Variants in CCL4L2 observed in about 807,000 individuals in gnomAD.
CCL4L2 encodes the protein C-C motif chemokine 4-like.
In CCL4L2, 3 loss-of-function variants were observed where a neutral mutation model predicts 5.9. The ratio of observed to expected loss-of-function variants is 0.51; its 90% CI spans 0.23 to 1.32. CCL4L2 has a LOEUF of 1.32. Among genes scored for constraint, CCL4L2 ranks in the 40% most tolerant of loss-of-function variants. The pLI, the probability that CCL4L2 is intolerant of heterozygous loss-of-function variation, is 0.18. For missense variants in CCL4L2, 74 were observed against 121.2 expected, an observed-to-expected ratio of 0.61 and a Z score of 1.83; for synonymous variants, 36 against 47.6, an observed-to-expected ratio of 0.76 and a Z score of 1.00.
rs749135843 is a variant in CCL4L2, at chr17:36,212,149, C to T, written c.192-154C>T. The T allele has an allele frequency of 5.7e-5, 40 of 696,768 alleles. 4 individuals are homozygous for T. The highest frequency in any genetic ancestry group is 5.1e-4 in the South Asian group (33 of 64,958). 43.2% of individuals were successfully genotyped at this position (696,768 alleles called of 1,614,324 possible). On this transcript the variant is annotated intron_variant, in intron 2 of 2. Coordinates refer to ENST00000617405, the MANE Select transcript of CCL4L2 (RefSeq NM_001291475.2). ...GAAGCAGGGGAAGGCAGACAGGTCC[C>T]GTGAGATATGGACCAATTCCTTAAA...
rs1157297598 is a variant in CCL4L2 at position 36,211,549 on chromosome 17, T to C, written c.77-227T>C. The C allele has an allele frequency of 2.6e-5, 18 of 683,696 alleles. 1 individual carries two copies. Among genetic ancestry groups the C allele is most frequent in the Non-Finnish European group, 4.9e-5 (18 of 369,856 alleles). The allele number at this position is 683,696 out of a possible 1,614,324, so 42.4% of individuals were successfully genotyped here. On this transcript the variant is annotated intron_variant, in intron 1 of 2. Coordinates refer to ENST00000617405, the MANE Select transcript of CCL4L2 (RefSeq NM_001291475.2). ...GTCATATGAAGGGAGTGCGATGTGT[T>C]CTGAGACTGAATCCAGTTCCAATCT...
chr17:36,212,558 G>C lies in CCL4L2; in HGVS notation c.*135G>C. ...GGTCCAGGAGTACGTGTATGACCTGGAACTGAACTGAGCTGCTCAGAGACA... is the reference window on the plus strand; with the variant it reads ...GGTCCAGGAGTACGTGTATGACCTGCAACTGAACTGAGCTGCTCAGAGACA... On this transcript the variant is annotated 3_prime_UTR_variant, in exon 3 of 3. Transcript: ENST00000617405. The C allele has an allele frequency of 6.3e-7, 1 of 1,581,506 alleles. No homozygotes were observed.
chr17:36,211,308 A>G (rs1474530702), intron 1 of CCL4L2, 91 bp downstream of exon 1: 1 of 1,446,346 alleles, frequency 6.9e-7, no homozygotes, highest in African/African-American at 1.3e-5. Flanking sequence ...GGATCTGGGG[A>G]TGGGACAAAA....
rs2068768289 is a variant in CCL4L2 at position 36,211,185 on chromosome 17, C to T, written c.44C>T (p.Ala15Val). 6.3e-7 allele frequency: 1 copy of T among 1,581,654 alleles called. No homozygotes were observed. ...GTCCTGTCTCTCCTCGTGCTAGTAG[C>T]TGCCTTCTGCTCTCTAGCACTCTCA... Residue 15 changes from alanine (A) to valine (V), a missense_variant, in exon 1 of 3, where the codon GCT becomes GTT. Coordinates refer to ENST00000617405, the MANE Select transcript of CCL4L2 (RefSeq NM_001291475.2).
chr17:36,211,241 A>G lies in CCL4L2; in HGVS notation c.76+24A>G, dbSNP rs2068770223. 1.9e-5 allele frequency: 30 copies of G among 1,579,588 alleles called. 2 individuals are homozygous for G. The highest frequency in any genetic ancestry group is 2.4e-5 in the Non-Finnish European group (28 of 1,155,012). On this transcript the variant is annotated intron_variant, in intron 1 of 2. Coordinates refer to ENST00000617405, the MANE Select transcript of CCL4L2 (RefSeq NM_001291475.2). ...AAGTAAGTCTACTTTTGCAGCTGCT[A>G]TTTCGAGTCAAGGTGTAGGCAGAGT...
Position 36,212,793 on chromosome 17 carries a change from C to G in CCL4L2, c.*370C>G, listed in dbSNP as rs1330277144. 7 of 611,744 alleles carry G rather than the reference C, an allele frequency of 1.1e-5. No homozygotes were observed. Among genetic ancestry groups the G allele is most frequent in the East Asian group, 5.4e-5 (2 of 36,912 alleles). The allele number at this position is 611,744 out of a possible 1,614,324, so 37.9% of individuals were successfully genotyped here. On this transcript the variant is annotated 3_prime_UTR_variant, in exon 3 of 3. Transcript: ENST00000617405. ...CCTATGGGGATGGTCCACTCTCACT[C>G]TTTCTCTGCTGTTGCAAATACATGG...
chr17:36,211,813 C>T lies in CCL4L2; in HGVS notation c.114C>T (p.Tyr38=), dbSNP rs1204458321. 6.3e-6 allele frequency: 10 copies of T among 1,579,340 alleles called. 1 individual carries two copies. Among genetic ancestry groups the T allele is most frequent in the South Asian group, 5.6e-5 (5 of 89,030 alleles). The stretch of plus-strand genomic sequence containing the variant: ...CTCCCACCGCCTGCTGCTTTTCTTA[C>T]ACCGCGAGGAAGCTTCCTCGCAACT... Residue 38 remains tyrosine (Y), a synonymous_variant, in exon 2 of 3, where the codon TAC becomes TAT. Coordinates refer to ENST00000617405, the MANE Select transcript of CCL4L2 (RefSeq NM_001291475.2).
chr17:36,212,314 T>A lies in CCL4L2; in HGVS notation c.203T>A (p.Leu68Ter), dbSNP rs1370085607. 3.2e-6 allele frequency: 3 copies of A among 935,114 alleles called. No individual in the cohort carries two copies. The East Asian group carries it at 7.2e-5, about 23-fold the overall frequency. The allele number at this position is 935,114 out of a possible 1,614,324, so 57.9% of individuals were successfully genotyped here. A position where few individuals can be genotyped will look rare whatever the true frequency, so the allele number is the denominator to read the frequency against. The stretch of plus-strand genomic sequence containing the variant: ...ACAGCTAAATCCAGTGAGTGGAAGT[T>A]ACAGGGAGTCTGCTTCCAGTGCTGC... The change falls in exon 3 of 3, where the codon TTA becomes TAA. Residue 68 changes from leucine (L) to a stop codon, truncating the protein, a stop_gained. Transcript: ENST00000617405. LOFTEE classifies it low-confidence loss of function (END_TRUNC).
Position 36,211,966 on chromosome 17 carries a change from G to A in CCL4L2, c.191+76G>A, listed in dbSNP as rs1483498161. 4.8e-6 allele frequency: 7 copies of A among 1,470,878 alleles called. No individual in the cohort carries two copies. In the African/African-American group the frequency reaches 6.7e-5, roughly 14 times the overall value. 91.1% of individuals were successfully genotyped at this position (1,470,878 alleles called of 1,614,324 possible). A position where few individuals can be genotyped will look rare whatever the true frequency, so the allele number is the denominator to read the frequency against. ...TTTAAAGGGGGCCTGTTTTGGGGAG[G>A]GGGTGATGAGCGTTGGGGAGGCAGC... On this transcript the variant is annotated intron_variant, in intron 2 of 2. Coordinates refer to ENST00000617405, the MANE Select transcript of CCL4L2 (RefSeq NM_001291475.2).
At chr17:36,211,630 G>A (rs1280208058) in intron 1 of CCL4L2, 146 bp from the exon 2 acceptor site, 43 of 925,218 alleles carry the variant, frequency 4.6e-5, no homozygotes, top group Admixed American at 1.6e-4. Context: ...TAAGACTCCT[G>A]CTCATGTTAG....
rs1303311466 is a variant in CCL4L2, at chr17:36,211,170, T to C, written c.29T>C (p.Leu10Pro). The C allele has an allele frequency of 1.5e-5, 23 of 1,581,652 alleles. 1 individual carries two copies. The Admixed American group carries it at 3.6e-4, about 24-fold the overall frequency. Reference sequence around the variant, plus strand: ...AAGCTCTGCGTGACTGTCCTGTCTCTCCTCGTGCTAGTAGCTGCCTTCTGC... The same window carrying C: ...AAGCTCTGCGTGACTGTCCTGTCTCCCCTCGTGCTAGTAGCTGCCTTCTGC... Residue 10 changes from leucine (L) to proline (P), a missense_variant, in exon 1 of 3, where the codon CTC (leucine) becomes CCC (proline). Leu to Pro is a moderately conservative substitution (Grantham distance 98, BLOSUM62 -3). Transcript: ENST00000617405.
chr17:36,211,193 T>C lies in CCL4L2; in HGVS notation c.52T>C (p.Cys18Arg). Residue 18 changes from cysteine to arginine, a missense_variant, in exon 1 of 3, where the codon TGC (cysteine) becomes CGC (arginine). Physicochemically the swap from Cys to Arg is radical, Grantham distance 180 (BLOSUM62 -3). Coordinates refer to ENST00000617405, the MANE Select transcript of CCL4L2 (RefSeq NM_001291475.2). ...TCTCCTCGTGCTAGTAGCTGCCTTC[T>C]GCTCTCTAGCACTCTCAGCACCAAG... 6.3e-7 allele frequency: 1 copy of C among 1,581,730 alleles called. No individual in the cohort carries two copies. Among genetic ancestry groups the C allele is most frequent in the Non-Finnish European group, 8.6e-7 (1 of 1,156,760 alleles).
At chr17:36,212,210 G>T (rs1447238847) in intron 2 of CCL4L2, 6 of 710,334 alleles carry the variant, frequency 8.4e-6, no homozygotes, top group Non-Finnish European at 1.5e-5. Context: ...GTCACTACCA[G>T]GCTGGCAGGG....
rs573491211 is a variant in CCL4L2 at position 36,212,455 on chromosome 17, C to G, written c.*32C>G. ...ATGACCTCAAAGGTCCCATGGGATTCTAATCTGTCTGCTCCTTGTTCTACG... is the reference window on the plus strand; with the variant it reads ...ATGACCTCAAAGGTCCCATGGGATTGTAATCTGTCTGCTCCTTGTTCTACG... On this transcript the variant is annotated 3_prime_UTR_variant, in exon 3 of 3. Transcript: ENST00000617405. 1 of 1,580,748 alleles carries G rather than the reference C, an allele frequency of 6.3e-7. No homozygotes were observed. The highest frequency in any genetic ancestry group is 1.7e-5 in the Admixed American group (1 of 59,114).
chr17:36,211,258 A>C lies in CCL4L2; in HGVS notation c.76+41A>C, dbSNP rs1382632843. The C allele has an allele frequency of 6.0e-5, 95 of 1,571,576 alleles. 8 individuals are homozygous for C. Among genetic ancestry groups the C allele is most frequent in the Non-Finnish European group, 7.7e-5 (88 of 1,147,752 alleles). On this transcript the variant is annotated intron_variant, in intron 1 of 2. Coordinates refer to ENST00000617405, the MANE Select transcript of CCL4L2 (RefSeq NM_001291475.2). ...CAGCTGCTATTTCGAGTCAAGGTGT[A>C]GGCAGAGTCCTTTTTTCTAGTCATG...
chr17:36,212,401 TGCCTACCACAG>T lies in CCL4L2; in HGVS notation c.293_303del (p.Pro98GlnfsTer15), dbSNP rs1387246043. The T allele has an allele frequency of 4.0e-5, 60 of 1,510,298 alleles. 2 individuals are homozygous for T. In the African/African-American group the frequency reaches 5.8e-4, roughly 15 times the overall value. 93.6% of individuals were successfully genotyped at this position (1,510,298 alleles called of 1,614,324 possible). On this transcript the variant is annotated frameshift_variant, in exon 3 of 3. Transcript: ENST00000617405. LOFTEE classifies it low-confidence loss of function (END_TRUNC). ...TGGACCATGGTCAGGCAGAGGAAGA[TGCCTACCACAG>T]GCAAGGGATAAAGCCAGATGACCTC...
rs2068780613 is a variant in CCL4L2, at chr17:36,211,731, A to G, written c.77-45A>G. 1.9e-6 allele frequency: 3 copies of G among 1,557,028 alleles called. 1 individual carries two copies. Among genetic ancestry groups the G allele is most frequent in the Non-Finnish European group, 2.6e-6 (3 of 1,135,864 alleles). ...TGCAAAATTAGAAGTCAAAATAAAC[A>G]GCTCCCATGGGCAGTGTTGATCTCA... is the stretch of plus-strand genomic sequence containing the variant. On this transcript the variant is annotated intron_variant, in intron 1 of 2. Transcript: ENST00000617405.
At position 36,212,807 on chromosome 17, in the gene CCL4L2, G is replaced by A. The variant is rs1301767848; in HGVS notation, c.*384G>A. ...CCACTCTCACTCTTTCTCTGCTGTT[G>A]CAAATACATGGATAACACCGTTAAT... On this transcript the variant is annotated 3_prime_UTR_variant, in exon 3 of 3. Coordinates refer to ENST00000617405, the MANE Select transcript of CCL4L2 (RefSeq NM_001291475.2). 2.2e-3 allele frequency: 1,261 copies of A among 579,798 alleles called. 3 individuals carry two copies. Among genetic ancestry groups the A allele is most frequent in the Non-Finnish European group, 3.4e-3 (1,080 of 318,204 alleles). 35.9% of individuals were successfully genotyped at this position (579,798 alleles called of 1,614,324 possible). A position where few individuals can be genotyped will look rare whatever the true frequency, so the allele number is the denominator to read the frequency against.
In CCL4L2 at chr17:36,212,692, C is replaced by A. The variant is rs2068813071; in HGVS notation, c.*269C>A. ...TTCCTGTCTCTTCTCTTAATGTAAT[C>A]TCTTTTATGTGCTGTATTATTGTAT... On this transcript the variant is annotated 3_prime_UTR_variant, in exon 3 of 3. Coordinates refer to ENST00000617405, the MANE Select transcript of CCL4L2 (RefSeq NM_001291475.2). The A allele has an allele frequency of 2.9e-5, 33 of 1,147,814 alleles. 2 individuals carry two copies. In the South Asian group the frequency reaches 3.9e-4, roughly 14 times the overall value. The allele number at this position is 1,147,814 out of a possible 1,614,324, so 71.1% of individuals were successfully genotyped here.
Sources: gnomAD v4.1 joint callset for allele counts on GRCh38, gnomAD v4.1.1 for gene constraint, MANE v1.5 for transcripts, NCBI Gene and HGNC (gene_info 2026-07-23, HGNC 2026-07-21) for gene names.